The following PAQR5 variants were observed in gnomAD, a reference collection of about 807,000 sequenced individuals.
PAQR5 encodes the protein progestin and adipoQ receptor family member 5, also known as membrane progestin receptor gamma.
Under a neutral mutation model 34.5 loss-of-function variants are expected in PAQR5, and 20 were observed. The ratio of observed to expected loss-of-function variants is 0.58; its 90% CI spans 0.41 to 0.84. The LOEUF is 0.84. Ranked by LOEUF, PAQR5 falls within the 40% of genes least tolerant of loss-of-function variation. The pLI, the probability that PAQR5 is intolerant of heterozygous loss-of-function variation, is 0.00. For missense variants in PAQR5, 378 were observed against 412.7 expected, an observed-to-expected ratio of 0.92 and a Z score of 0.73; for synonymous variants, 131 against 155.6, an observed-to-expected ratio of 0.84 and a Z score of 1.18.
intron 3 of PAQR5, among the ~76,000 whole-genome samples, chr15:69,368,043 T>A (rs950220134): frequency 3.0e-5 from 4 of 134,038 alleles, no homozygotes; most frequent in African/African-American, 1.1e-4. Context: ...TGTAGTGATA[T>A]CTGCAAGAAG....
chr15:69,360,247 A>G, intron 3 of PAQR5, 116 bp downstream of exon 3: 1 of 677,578 alleles, frequency 1.5e-6, no homozygotes, highest in South Asian at 2.0e-5. Context: ...ATTCCCTTCA[A>G]GGACCCCTTC....
intron 1 of PAQR5, among the ~76,000 whole-genome samples, chr15:69,310,048 A>T (rs917877178): frequency 2.3e-4 from 19 of 83,316 alleles, no homozygotes; most frequent in African/African-American, 6.8e-4. Context: ...ACTCCATATT[A>T]AAAAAAAAAC....
At chr15:69,370,695 A>G (rs1481478772) in intron 3 of PAQR5, among the ~76,000 whole-genome samples, 1 of 151,974 alleles carries the variant, frequency 6.6e-6, no homozygotes, top group East Asian at 1.9e-4. Flanking sequence ...AATTTTTTGT[A>G]TTTTTAGTAG....
At chr15:69,342,619 G>T (rs1362969573) in intron 2 of PAQR5, among the ~76,000 whole-genome samples, 1 of 152,120 alleles carries the variant, frequency 6.6e-6, no homozygotes, top group Non-Finnish European at 1.5e-5. Context: ...CGTCCCCCAG[G>T]GTGCTATTCA....
At chr15:69,345,994 A>C (rs2054759192) in intron 2 of PAQR5, among the ~76,000 whole-genome samples, 2 of 152,220 alleles carry the variant, frequency 1.3e-5, no homozygotes, top group African/African-American at 4.8e-5. Context: ...ACACTGTTAA[A>C]ACATTGGCAG....
chr15:69,372,497 C>T (rs758454024), intron 3 of PAQR5, among the ~76,000 whole-genome samples: 5 of 152,144 alleles, frequency 3.3e-5, no homozygotes, highest in Admixed American at 1.3e-4. Context: ...GAGCCAAGAT[C>T]GTGCCACTGC....
At chr15:69,344,769 T>A (rs1354128060) in intron 2 of PAQR5, among the ~76,000 whole-genome samples, 1 of 152,224 alleles carries the variant, frequency 6.6e-6, no homozygotes, top group Non-Finnish European at 1.5e-5. Context: ...GTGAAGATGC[T>A]CTTGCTGATT....
At chr15:69,329,693 C>T (rs1035650019) in intron 1 of PAQR5, among the ~76,000 whole-genome samples, 1 of 151,914 alleles carries the variant, frequency 6.6e-6, no homozygotes, top group Non-Finnish European at 1.5e-5. Context: ...TCATGTTGTC[C>T]AGGCTGGTCT....
rs534176071 is a variant in PAQR5 at position 69,389,905 on chromosome 15, C to T, written c.512+125C>T. 1,163 of 1,110,728 alleles carry T rather than the reference C, an allele frequency of 1.0e-3. 8 individuals are homozygous for T. Among genetic ancestry groups the T allele is most frequent in the Middle Eastern group, 9.8e-3 (40 of 4,066 alleles). The allele number at this position is 1,110,728 out of a possible 1,614,324, so 68.8% of individuals were successfully genotyped here. On this transcript the variant is annotated intron_variant, in intron 6 of 8. Transcript: ENST00000395407. ...AAAGGTGCTTGGGAACCTAGGACTC[C>T]GTTCCAGGTGGACTTCCTATGCTGG... is the stretch of plus-strand genomic sequence containing the variant.
rs144523126 is a variant in PAQR5 at position 69,326,122 on chromosome 15, A to G, written c.-276-11219A>G. Among the ~76,000 whole-genome samples, 6 of 151,860 alleles carry G rather than the reference A, an allele frequency of 4.0e-5. No individual in the cohort carries two copies. The East Asian group carries it at 7.8e-4, about 20-fold the overall frequency. Reference sequence around the variant, plus strand: ...CCTGGTTTTCCTCACTTTCTTCATCATTTCCCATTGATGTCGTCATTTTCC... The same window carrying G: ...CCTGGTTTTCCTCACTTTCTTCATCGTTTCCCATTGATGTCGTCATTTTCC... On this transcript the variant is annotated intron_variant, in intron 1 of 8. Coordinates refer to ENST00000395407, the MANE Select transcript of PAQR5 (RefSeq NM_017705.4).
At chr15:69,341,810 G>A (rs2054650993) in intron 2 of PAQR5, among the ~76,000 whole-genome samples, 2 of 151,798 alleles carry the variant, frequency 1.3e-5, no homozygotes, top group African/African-American at 4.8e-5. Flanking sequence ...ATGGTGTGGT[G>A]GCATGTGTCT....
intron 1 of PAQR5, among the ~76,000 whole-genome samples, chr15:69,318,708 G>A (rs369186936): frequency 9.2e-5 from 14 of 151,964 alleles, no homozygotes; most frequent in South Asian, 4.2e-4. Flanking sequence ...ACCACAGATA[G>A]TACTAAACCT....
intron 2 of PAQR5, among the ~76,000 whole-genome samples, chr15:69,346,780 C>T (rs2054785952): frequency 6.7e-6 from 1 of 149,606 alleles, no homozygotes; most frequent in East Asian, 2.0e-4. Flanking sequence ...CACCACCACA[C>T]CTGGCTAATT....
rs985475724 is a variant in PAQR5 at position 69,400,257 on chromosome 15, G to C, written c.751+142G>C. Reference sequence around the variant, plus strand: ...AGGCGAGTAACATTGCAAGTTGACAGAGGTCAGGATGTCTGCAGCAGGTGC... The same window carrying C: ...AGGCGAGTAACATTGCAAGTTGACACAGGTCAGGATGTCTGCAGCAGGTGC... On this transcript the variant is annotated intron_variant, in intron 8 of 8. Transcript: ENST00000395407. The C allele has an allele frequency of 1.8e-5, 15 of 837,848 alleles. No homozygotes were observed. In the African/African-American group the frequency reaches 2.0e-4, roughly 11 times the overall value. 51.9% of individuals were successfully genotyped at this position (837,848 alleles called of 1,614,324 possible). A position where few individuals can be genotyped will look rare whatever the true frequency, so the allele number is the denominator to read the frequency against.
chr15:69,393,982 G>A (rs1388762050), intron 6 of PAQR5, among the ~76,000 whole-genome samples: 4 of 152,182 alleles, frequency 2.6e-5, no homozygotes, highest in Non-Finnish European at 5.9e-5. Flanking sequence ...CCGAGGCCCT[G>A]GCCTGCTCAT....
At chr15:69,399,404 A>C (rs1432471889) in intron 7 of PAQR5, among the ~76,000 whole-genome samples, 1 of 152,222 alleles carries the variant, frequency 6.6e-6, no homozygotes, top group Admixed American at 6.5e-5. Context: ...TTATTGTAAG[A>C]ATACAATATA....
At chr15:69,341,804 T>C (rs8030259) in intron 2 of PAQR5, among the ~76,000 whole-genome samples, 149,724 of 151,804 alleles carry the variant, frequency 0.99, 73,874 homozygotes, top group East Asian at 1. Context: ...AATTAGATGG[T>C]GTGGTGGCAT....
chr15:69,377,957 GTC>G (rs1322912935), intron 3 of PAQR5, among the ~76,000 whole-genome samples: 1 of 152,052 alleles, frequency 6.6e-6, no homozygotes, highest in African/African-American at 2.4e-5. Flanking sequence ...GTGAGACCCT[GTC>G]TCTGCAAAAA....
At chr15:69,302,625 C>A (rs184357946) in intron 1 of PAQR5, among the ~76,000 whole-genome samples, 1 of 152,304 alleles carries the variant, frequency 6.6e-6, no homozygotes, top group East Asian at 1.9e-4. Context: ...TGGGGCCCTG[C>A]CAGGAACCCT....
Sources: allele counts gnomAD v4.1 joint callset (sites outside exome capture counted in the v4.1 genomes callset), GRCh38; gene constraint gnomAD v4.1.1; transcripts MANE v1.5; gene names NCBI Gene and HGNC (gene_info 2026-07-23, HGNC 2026-07-21).